PHC3: variants seen among roughly 807,000 people sequenced by gnomAD.
PHC3 encodes polyhomeotic-like protein 3.
A neutral mutation model predicts 107.4 loss-of-function variants in PHC3; 13 were observed. The ratio of observed to expected loss-of-function variants is 0.12; its 90% confidence interval spans 0.08 to 0.19. The LOEUF (loss-of-function observed/expected upper bound fraction) is 0.19, where lower values mean the gene tolerates loss of function less well. Ranked by LOEUF, PHC3 falls within the 10% of genes least tolerant of loss-of-function variation. The pLI is 1.00. For synonymous variants in PHC3, 456 were observed against 427.4 expected (o/e 1.07, Z -0.83); for missense variants, 992 against 1,210.9 (o/e 0.82, Z 2.68).
At position 170,089,412 on chromosome 3, in the gene PHC3, T is replaced by C. The variant is rs1713841897; in HGVS notation, c.*7818A>G. The C allele has an allele frequency of 6.6e-6, 1 of 152,212 alleles. No homozygotes were observed. The highest frequency in any genetic ancestry group is 1.5e-5 in the Non-Finnish European group (1 of 68,022). 9.4% of individuals were successfully genotyped at this position (152,212 alleles called of 1,614,324 possible). On this transcript the variant is annotated 3_prime_UTR_variant, in exon 15 of 15. Coordinates refer to ENST00000495893, the MANE Select transcript of PHC3 (RefSeq NM_024947.4). ...TTCAAGCATGGAACTGTTTCATGTT[T>C]ACCCGTTCTACATTTAAAGGATGCC...
Position 170,154,156 on chromosome 3 carries a change from T to C in PHC3, c.415-4912A>G, listed in dbSNP as rs149557004. Among the ~76,000 whole-genome samples the C allele has an allele frequency of 2.6e-3, 396 of 152,322 alleles. 4 individuals are homozygous for C. The highest frequency in any genetic ancestry group is 9.3e-3 in the African/African-American group (385 of 41,572). On this transcript the variant is annotated intron_variant, in intron 4 of 14. Coordinates refer to ENST00000495893, the MANE Select transcript of PHC3 (RefSeq NM_024947.4). ...ATAATTTCTTTAAGGGTGGGGGCCATGTGTTATTCATCTTCATATATCCAG... is the reference window on the plus strand; with the variant it reads ...ATAATTTCTTTAAGGGTGGGGGCCACGTGTTATTCATCTTCATATATCCAG...
intron 2 of PHC3, among the ~76,000 whole-genome samples, chr3:170,173,201 A>C (rs1729902668): frequency 6.6e-6 from 1 of 151,950 alleles, no homozygotes; most frequent in African/African-American, 2.4e-5. Context: ...CTCAAAAAAA[A>C]AAAAACAAAA....
At chr3:170,134,087 A>C (rs1722673936) in intron 7 of PHC3, among the ~76,000 whole-genome samples, 1 of 152,136 alleles carries the variant, frequency 6.6e-6, no homozygotes, top group South Asian at 2.1e-4. Flanking sequence ...TACTCTGTAC[A>C]GTAGTGTAAA....
intron 4 of PHC3, among the ~76,000 whole-genome samples, chr3:170,160,460 C>G (rs879851177): frequency 6.6e-6 from 1 of 152,192 alleles, no homozygotes; most frequent in Non-Finnish European, 1.5e-5. Flanking sequence ...CCAGAGCAAG[C>G]AGCACAATGT....
At chr3:170,111,453 A>AGAGAG (rs1717757946) in intron 11 of PHC3, among the ~76,000 whole-genome samples, 1 of 151,006 alleles carries the variant, frequency 6.6e-6, no homozygotes, top group South Asian at 2.1e-4. Context: ...AGAGAAGAGA[A>AGAGAG]GAGAGGAGAA....
Position 170,129,437 on chromosome 3 carries a change from T to TTGC in PHC3, c.1032_1034dup (p.Gln345dup). 1 of 1,613,946 alleles carries TTGC rather than the reference T, an allele frequency of 6.2e-7. No individual in the cohort carries two copies. Among genetic ancestry groups the TTGC allele is most frequent in the Non-Finnish European group, 8.5e-7 (1 of 1,179,880 alleles). On this transcript the variant is annotated inframe_insertion, in exon 8 of 15. Transcript: ENST00000495893. ...AATTCTGAAGTGTGATTGGCTGAAT[T>TTGC]TGCTGTTGCTGCTGTTGTAATATCA... is the stretch of plus-strand genomic sequence containing the variant.
chr3:170,122,681 T>TC lies in PHC3; in HGVS notation c.1851dup (p.Met618AspfsTer3). 6.2e-7 allele frequency: 1 copy of TC among 1,613,966 alleles called. No individual in the cohort carries two copies. Among genetic ancestry groups the TC allele is most frequent in the Non-Finnish European group, 8.5e-7 (1 of 1,179,870 alleles). ...GTGGGTGGTGGTGGGGTTCTATCCA[T>TC]CCGGACACATTCATCTGACTCTTCT... On this transcript the variant is annotated frameshift_variant, in exon 9 of 15. Transcript: ENST00000495893. LOFTEE classifies it high-confidence loss of function.
chr3:170,125,072 T>C (rs141370401), intron 8 of PHC3, among the ~76,000 whole-genome samples: 76 of 152,270 alleles, frequency 5.0e-4, no homozygotes, highest in African/African-American at 1.8e-3. Flanking sequence ...CTGAATCAGC[T>C]ACAAAGTAGG....
intron 2 of PHC3, among the ~76,000 whole-genome samples, chr3:170,177,953 G>A (rs1304248372): frequency 6.6e-6 from 1 of 152,108 alleles, no homozygotes; most frequent in Non-Finnish European, 1.5e-5. Context: ...TTACAGGCGT[G>A]AGCCACCACG....
chr3:170,142,417 G>A (rs2108545060), intron 6 of PHC3, among the ~76,000 whole-genome samples: 1 of 151,552 alleles, frequency 6.6e-6, no homozygotes, highest in East Asian at 1.9e-4. Context: ...TGTTGTTGCT[G>A]AAATCAGAAT....
intron 1 of PHC3, among the ~76,000 whole-genome samples, chr3:170,181,480 G>A (rs1158332154): frequency 1.3e-5 from 2 of 152,162 alleles, no homozygotes; most frequent in Non-Finnish European, 2.9e-5. Flanking sequence ...TCCGGGACCT[G>A]ATGGCGGAAG....
At chr3:170,150,378 T>C (rs1268023477) in intron 4 of PHC3, among the ~76,000 whole-genome samples, 2 of 152,042 alleles carry the variant, frequency 1.3e-5, no homozygotes, top group Non-Finnish European at 2.9e-5. Context: ...CACTAAAGTT[T>C]AAAACTTCTG....
At chr3:170,153,114 C>T (rs1193349897) in intron 4 of PHC3, among the ~76,000 whole-genome samples, 1 of 152,088 alleles carries the variant, frequency 6.6e-6, no homozygotes, top group East Asian at 1.9e-4. Flanking sequence ...TATCCTTTAC[C>T]AGCTCAAATT....
At chr3:170,111,684 A>G (rs964109443) in intron 11 of PHC3, among the ~76,000 whole-genome samples, 5 of 152,224 alleles carry the variant, frequency 3.3e-5, no homozygotes, top group African/African-American at 1.2e-4. Flanking sequence ...TAAAAATCAA[A>G]TTTTAAACTA....
intron 1 of PHC3, among the ~76,000 whole-genome samples, chr3:170,179,321 T>A (rs1312206138): frequency 6.6e-6 from 1 of 152,242 alleles, no homozygotes; most frequent in Non-Finnish European, 1.5e-5. Flanking sequence ...CTTTACATTC[T>A]TTTGACCACA....
At chr3:170,102,160 T>C in intron 14 of PHC3, 1 of 985,364 alleles carries the variant, frequency 1.0e-6, no homozygotes. Flanking sequence ...AAGTGTCTGA[T>C]TCAATCTCTC....
rs571552364 is a variant in PHC3, at chr3:170,093,268, T to C, written c.*3962A>G. 6.6e-6 allele frequency: 1 copy of C among 152,256 alleles called. No individual in the cohort carries two copies. The allele number at this position is 152,256 out of a possible 1,614,324, so 9.4% of individuals were successfully genotyped here. On this transcript the variant is annotated 3_prime_UTR_variant, in exon 15 of 15. Coordinates refer to ENST00000495893, the MANE Select transcript of PHC3 (RefSeq NM_024947.4). ...CTCTCTAAGGATTCTGAGACAAAGATCTCTCCAAGAAAGAAGTTTTCATGG... is the reference window on the plus strand; with the variant it reads ...CTCTCTAAGGATTCTGAGACAAAGACCTCTCCAAGAAAGAAGTTTTCATGG...
At chr3:170,158,881 A>G (rs1240344007) in intron 4 of PHC3, among the ~76,000 whole-genome samples, 1 of 150,836 alleles carries the variant, frequency 6.6e-6, no homozygotes, top group Non-Finnish European at 1.5e-5. Context: ...AAGCCATATT[A>G]GCACCACTGC....
intron 4 of PHC3, among the ~76,000 whole-genome samples, chr3:170,165,411 A>G: frequency 6.6e-6 from 1 of 152,182 alleles, no homozygotes; most frequent in Non-Finnish European, 1.5e-5. Context: ...AAATGAACGA[A>G]AAGGACAACC....
Sources: allele counts gnomAD v4.1 joint callset (sites outside exome capture counted in the v4.1 genomes callset), GRCh38; gene constraint gnomAD v4.1.1; transcripts MANE v1.5; gene names NCBI Gene and HGNC (gene_info 2026-07-23, HGNC 2026-07-21).